The following LPP variants were observed in gnomAD, a reference collection of about 807,000 sequenced individuals.
The protein encoded by LPP is LIM domain containing preferred translocation partner in lipoma, also known as lipoma-preferred partner.
A neutral mutation model predicts 60.4 loss-of-function variants in LPP; 38 were observed. That is an observed-to-expected ratio of 0.63 (90% CI 0.49 to 0.83). LPP has a LOEUF of 0.83. Among genes scored for constraint, LPP ranks in the 40% least tolerant of loss-of-function variants. The pLI is 0.00. For synonymous variants in LPP, 328 were observed against 290.8 expected (o/e 1.13, Z -1.30); for missense variants, 902 against 783.6 (o/e 1.15, Z -1.80).
At chr3:188,873,947 A>G (rs1378086782) in intron 11 of LPP, among the ~76,000 whole-genome samples, 1 of 152,052 alleles carries the variant, frequency 6.6e-6, no homozygotes, top group African/African-American at 2.4e-5. Flanking sequence ...CTGTGCATGC[A>G]TTTTGAGAGA....
At position 188,866,215 on chromosome 3, in the gene LPP, T is replaced by C; in HGVS notation, c.1426T>C (p.Cys476Arg). 1 of 1,546,156 alleles carries C rather than the reference T, an allele frequency of 6.5e-7. No individual in the cohort carries two copies. Among genetic ancestry groups the C allele is most frequent in the Non-Finnish European group, 8.7e-7 (1 of 1,143,912 alleles). Residue 476 changes from cysteine to arginine, a missense_variant, in exon 10 of 12, where the codon TGC becomes CGC. By Grantham distance (180) the Cys-to-Arg change is radical. Transcript: ENST00000617246. Reference protein sequence around the residue: ...EPCYINTLEQCNVCSKPIMER... With the variant: ...EPCYINTLEQRNVCSKPIMER... ...CCTTCCCCAGAATACTCTGGAGCAG[T>C]GCAATGTGTGTTCCAAGCCCATCAT... is the stretch of plus-strand genomic sequence containing the variant.
chr3:188,680,657 C>G (rs1301507761), intron 7 of LPP, among the ~76,000 whole-genome samples: 1 of 152,168 alleles, frequency 6.6e-6, no homozygotes, highest in Non-Finnish European at 1.5e-5. Flanking sequence ...AAGGTCTCAG[C>G]TTTCTTAAAA....
chr3:188,807,420 GA>G (rs1749497980), intron 9 of LPP, among the ~76,000 whole-genome samples: 1 of 151,928 alleles, frequency 6.6e-6, no homozygotes, highest in Non-Finnish European at 1.5e-5. Flanking sequence ...TTCTTTAGAA[GA>G]TAGCCAATAT....
intron 7 of LPP, among the ~76,000 whole-genome samples, chr3:188,683,971 G>A (rs1468023440): frequency 1.3e-5 from 2 of 152,202 alleles, no homozygotes; most frequent in Non-Finnish European, 2.9e-5. Flanking sequence ...AAACCGGAGT[G>A]TTGTCATTTT....
chr3:188,378,980 G>A (rs777037141), intron 3 of LPP, among the ~76,000 whole-genome samples: 2 of 152,162 alleles, frequency 1.3e-5, no homozygotes, highest in Admixed American at 6.5e-5. Flanking sequence ...TGTGGGCAGG[G>A]CCACTGCTTA....
intron 7 of LPP, among the ~76,000 whole-genome samples, chr3:188,664,135 G>T (rs1308249440): frequency 6.6e-6 from 1 of 152,194 alleles, no homozygotes; most frequent in Non-Finnish European, 1.5e-5. Flanking sequence ...GGTTTTAAGT[G>T]CCAACTCACC....
intron 4 of LPP, among the ~76,000 whole-genome samples, chr3:188,431,846 A>G (rs894104109): frequency 6.6e-6 from 1 of 152,202 alleles, no homozygotes; most frequent in African/African-American, 2.4e-5. Flanking sequence ...CATGGAGTAA[A>G]ATTGTTCCCA....
intron 9 of LPP, among the ~76,000 whole-genome samples, chr3:188,862,419 T>C (rs1204106325): frequency 1.3e-5 from 2 of 151,958 alleles, no homozygotes; most frequent in African/African-American, 4.8e-5. Context: ...CAGAAAAAGA[T>C]TTAGGAAAGA....
At chr3:188,783,869 C>CTCAGTAAAAGGTGATCAT (rs56671912) in intron 9 of LPP, among the ~76,000 whole-genome samples, 3 of 151,716 alleles carry the variant, frequency 2.0e-5, no homozygotes, top group Non-Finnish European at 2.9e-5. Flanking sequence ...AACTTGATAT[C>CTCAGTAAAAGGTGATCAT]TCATTCTTAC....
chr3:188,802,619 C>T (rs1368646460), intron 9 of LPP, among the ~76,000 whole-genome samples: 1 of 152,034 alleles, frequency 6.6e-6, no homozygotes, highest in Non-Finnish European at 1.5e-5. Flanking sequence ...CCCGTCACTA[C>T]TAAAAATACA....
intron 9 of LPP, among the ~76,000 whole-genome samples, chr3:188,775,891 G>T (rs1456588505): frequency 6.6e-6 from 1 of 152,240 alleles, no homozygotes; most frequent in Non-Finnish European, 1.5e-5. Flanking sequence ...CTATAAAGGG[G>T]AATTTAGGAA....
intron 2 of LPP, among the ~76,000 whole-genome samples, chr3:188,253,073 CTTT>C (rs113892337): frequency 2.2e-5 from 3 of 136,562 alleles, no homozygotes; most frequent in Admixed American, 7.4e-5. Flanking sequence ...GTGCTCAGTC[CTTT>C]TTTTTTTTTT....
chr3:188,165,061 C>T (rs1160368620), intron 1 of LPP, among the ~76,000 whole-genome samples: 1 of 151,804 alleles, frequency 6.6e-6, no homozygotes, highest in Non-Finnish European at 1.5e-5. Context: ...CACTTGAGGC[C>T]CGGAGTTCAA....
intron 7 of LPP, among the ~76,000 whole-genome samples, chr3:188,703,689 C>G (rs1435936889): frequency 1.3e-5 from 2 of 152,132 alleles, no homozygotes; most frequent in Non-Finnish European, 2.9e-5. Flanking sequence ...TAGAATCTAA[C>G]AGAAAATAGC....
At chr3:188,788,905 G>C (rs562543223) in intron 9 of LPP, among the ~76,000 whole-genome samples, 1 of 152,172 alleles carries the variant, frequency 6.6e-6, no homozygotes, top group African/African-American at 2.4e-5. Flanking sequence ...AATGAATCAA[G>C]GTCTAACTTA....
At chr3:188,756,330 G>A (rs1317273822) in intron 8 of LPP, among the ~76,000 whole-genome samples, 1 of 152,168 alleles carries the variant, frequency 6.6e-6, no homozygotes, top group East Asian at 1.9e-4. Context: ...TCTGTCATCG[G>A]ATCTTTTGAT....
At chr3:188,600,445 A>G (rs1271067231) in intron 6 of LPP, among the ~76,000 whole-genome samples, 3 of 151,616 alleles carry the variant, frequency 2.0e-5, no homozygotes, top group African/African-American at 7.3e-5. Context: ...TATGAGATAT[A>G]GATAGATGCA....
intron 3 of LPP, among the ~76,000 whole-genome samples, chr3:188,346,867 T>C (rs761295806): frequency 8.5e-5 from 13 of 152,340 alleles, no homozygotes; most frequent in Admixed American, 1.3e-4. Flanking sequence ...CCTATTGTTA[T>C]ACTCTGAGTG....
intron 3 of LPP, among the ~76,000 whole-genome samples, chr3:188,399,698 C>T (rs1273720280): frequency 6.6e-6 from 1 of 152,146 alleles, no homozygotes; most frequent in South Asian, 2.1e-4. Context: ...ACATAAAGAT[C>T]CCCATATGAG....
Sources: gnomAD v4.1 joint callset for allele counts (sites outside exome capture counted in the v4.1 genomes callset) on GRCh38, gnomAD v4.1.1 for gene constraint, MANE v1.5 for transcripts, NCBI Gene and HGNC (gene_info 2026-07-23, HGNC 2026-07-21) for gene names.